Variants in ZNF536 observed in about 807,000 individuals in gnomAD.
ZNF536 encodes zinc finger protein 536.
A neutral mutation model predicts 84.5 loss-of-function variants in ZNF536; 13 were observed. That is an observed-to-expected ratio of 0.15 (90% confidence interval 0.10 to 0.24). The LOEUF (loss-of-function observed/expected upper bound fraction) is 0.24. Ranked by LOEUF, ZNF536 falls within the 10% of genes least tolerant of loss-of-function variation. ZNF536 has a pLI of 1.00. For synonymous variants in ZNF536, 811 were observed against 742.5 expected (o/e 1.09, Z -1.50); for missense variants, 1,536 against 1,747.5 (o/e 0.88, Z 2.16).
chr19:30,262,816 A>G (rs1427264076), intron 1 of ZNF536, among the ~76,000 whole-genome samples: 1 of 152,192 alleles, frequency 6.6e-6, no homozygotes, highest in East Asian at 1.9e-4. Flanking sequence ...CCAGTGGCAG[A>G]TGGGGGCTGG....
chr19:30,560,350 A>T (rs2046118191), downstream of ZNF536, among the ~76,000 whole-genome samples: 1 of 151,554 alleles, frequency 6.6e-6, no homozygotes, highest in Non-Finnish European at 1.5e-5. Context: ...ATCCATCCCT[A>T]CGTGGATATA....
intron 1 of ZNF536, among the ~76,000 whole-genome samples, chr19:30,602,968 G>C (rs1342613842): frequency 2.0e-5 from 3 of 152,190 alleles, no homozygotes. Context: ...CAAACAAGGA[G>C]AGATTAGACG....
At chr19:30,458,685 C>T (rs1353166229) in intron 2 of ZNF536, among the ~76,000 whole-genome samples, 2 of 152,156 alleles carry the variant, frequency 1.3e-5, no homozygotes, top group African/African-American at 4.8e-5. Context: ...CTTCCAACCT[C>T]AGGTGATCCG....
At chr19:30,562,270 C>CCTGGG (rs2046197927), downstream of ZNF536, among the ~76,000 whole-genome samples, 1 of 152,068 alleles carries the variant, frequency 6.6e-6, no homozygotes, top group Non-Finnish European at 1.5e-5. Flanking sequence ...GTCCCCATAC[C>CCTGGG]AGTAGGGCCC....
chr19:30,536,824 C>T (rs1370634537), intron 3 of ZNF536, among the ~76,000 whole-genome samples: 8 of 152,100 alleles, frequency 5.3e-5, no homozygotes, highest in African/African-American at 1.7e-4. Context: ...AGGGAGGGGG[C>T]CTTGCATTCT....
intron 1 of ZNF536, among the ~76,000 whole-genome samples, chr19:30,707,728 G>T (rs993688625): frequency 6.6e-6 from 1 of 152,200 alleles, no homozygotes; most frequent in African/African-American, 2.4e-5. Context: ...TGTAATTCCT[G>T]GCAGGGCATG....
chr19:30,295,001 G>A (rs2045954516), intron 2 of ZNF536, among the ~76,000 whole-genome samples: 1 of 152,134 alleles, frequency 6.6e-6, no homozygotes, highest in Non-Finnish European at 1.5e-5. Flanking sequence ...CTGAAGGGTG[G>A]GTGTCTAAGC....
intron 1 of ZNF536, among the ~76,000 whole-genome samples, chr19:30,696,177 T>C (rs1197347503): frequency 1.3e-5 from 2 of 152,188 alleles, no homozygotes; most frequent in Non-Finnish European, 1.5e-5. Flanking sequence ...CTTGGTTCCA[T>C]TTAAAATTAC....
rs2050231249 is a variant in ZNF536 at position 30,405,609 on chromosome 19, G to A, written c.-3+33053G>A. Among the ~76,000 whole-genome samples the A allele has an allele frequency of 2.0e-5, 3 of 152,126 alleles. No homozygotes were observed. The South Asian group carries it at 6.2e-4, about 32-fold the overall frequency. On this transcript the variant is annotated intron_variant, in intron 1 of 4. Transcript: ENST00000355537. ...CCATTTAAGACTGCACTTCTCCCTT[G>A]CCTCTTGATACTGTTTATGGGCGCA...
intron 1 of ZNF536, among the ~76,000 whole-genome samples, chr19:30,579,412 C>A (rs932588511): frequency 6.6e-6 from 1 of 152,168 alleles, no homozygotes; most frequent in Non-Finnish European, 1.5e-5. Context: ...GCTAGGTCAG[C>A]TGGAGGATGG....
chr19:30,447,118 G>C (rs1314286135), intron 2 of ZNF536, among the ~76,000 whole-genome samples: 1 of 152,154 alleles, frequency 6.6e-6, no homozygotes, highest in Non-Finnish European at 1.5e-5. Flanking sequence ...GAGGCACCTC[G>C]AGGCACTGCC....
rs2045648922 is a variant in ZNF536, at chr19:30,548,609, G to A, written c.2990G>A (p.Ser997Asn). The change falls in exon 4 of 5, where the codon AGC (serine) becomes AAC (asparagine). Residue 997 changes from serine (S) to asparagine (N), a missense_variant. Coordinates refer to ENST00000355537, the MANE Select transcript of ZNF536 (RefSeq NM_014717.3). ...GGCTCCTCGGTAACTGTGCAGGACAGCATTGCATGGCACGGCTGCTTGTTT... is the reference window on the plus strand; with the variant it reads ...GGCTCCTCGGTAACTGTGCAGGACAACATTGCATGGCACGGCTGCTTGTTT... ...LPGSSVTVQD[S>N]IAWHGCLFCA... 1.2e-6 allele frequency: 2 copies of A among 1,614,172 alleles called. No homozygotes were observed. The highest frequency in any genetic ancestry group is 1.7e-6 in the Non-Finnish European group (2 of 1,180,048).
intron 1 of ZNF536, among the ~76,000 whole-genome samples, chr19:30,647,151 C>T (rs577263271): frequency 9.9e-5 from 15 of 152,274 alleles, no homozygotes; most frequent in African/African-American, 2.9e-4. Context: ...AGTTTTGTTA[C>T]GTATGATCTC....
chr19:30,329,504 A>G (rs2047141157), intron 2 of ZNF536, among the ~76,000 whole-genome samples: 1 of 152,172 alleles, frequency 6.6e-6, no homozygotes, highest in African/African-American at 2.4e-5. Context: ...GTTCTGTTCT[A>G]TAAAGTGTGT....
At chr19:30,615,201 T>C (rs529686184) in intron 1 of ZNF536, among the ~76,000 whole-genome samples, 53 of 151,496 alleles carry the variant, frequency 3.5e-4, no homozygotes, top group Admixed American at 5.9e-4. Flanking sequence ...CGTCTCGGCC[T>C]CCCAAAGTGC....
In ZNF536 at chr19:30,445,345, C is replaced by G. The variant is rs2148221090; in HGVS notation, c.1783C>G (p.Pro595Ala). 1 of 1,614,148 alleles carries G rather than the reference C, an allele frequency of 6.2e-7. No individual in the cohort carries two copies. Among genetic ancestry groups the G allele is most frequent in the Non-Finnish European group, 8.5e-7 (1 of 1,180,036 alleles). ...STKVGSQRDL[P>A]SKLDPLESSR... ...TAAAGTGGGCAGCCAGAGAGACCTG[C>G]CAAGTAAGCTCGACCCTTTAGAAAG... is the stretch of plus-strand genomic sequence containing the variant. Residue 595 changes from proline (P) to alanine (A), a missense_variant, in exon 2 of 5, where the codon CCA becomes GCA. Transcript: ENST00000355537. The surrounding 1 kb of genome is among the most constrained non-coding windows in gnomAD (Gnocchi z 4.5).
chr19:30,435,290 GTGA>G (rs1416385661), intron 1 of ZNF536, among the ~76,000 whole-genome samples: 1 of 147,658 alleles, frequency 6.8e-6, no homozygotes, highest in African/African-American at 2.5e-5. Context: ...GATGATAATG[GTGA>G]TGGTGGTGAT....
chr19:30,709,147 G>A (rs912223800), intron 1 of ZNF536, among the ~76,000 whole-genome samples: 15 of 152,180 alleles, frequency 9.9e-5, no homozygotes, highest in Non-Finnish European at 1.6e-4. Context: ...ACGCATCAGG[G>A]TAGAGATGTT....
chr19:30,630,400 CGTGTGT>C (rs3028497), intron 1 of ZNF536, among the ~76,000 whole-genome samples: 212 of 149,782 alleles, frequency 1.4e-3, no homozygotes, highest in East Asian at 4.4e-3. Context: ...GGAAGTATCC[CGTGTGT>C]GTGTGTGTGT....
Sources: allele counts gnomAD v4.1 joint callset (sites outside exome capture counted in the v4.1 genomes callset), GRCh38; gene constraint gnomAD v4.1.1; non-coding constraint Gnocchi (gnomAD v3.1); transcripts MANE v1.5; gene names NCBI Gene and HGNC (gene_info 2026-07-23, HGNC 2026-07-21).